MFSD11: variants seen among roughly 807,000 people sequenced by gnomAD.
MFSD11 encodes major facilitator superfamily domain containing 11.
MFSD11 carries 36 observed loss-of-function variants against 53.5 expected under a neutral mutation model. The ratio of observed to expected loss-of-function variants is 0.67; its 90% confidence interval spans 0.52 to 0.89. MFSD11 has a LOEUF of 0.89. Ranked by LOEUF, MFSD11 falls within the 40% of genes least tolerant of loss-of-function variation. The pLI is 0.00. For synonymous variants in MFSD11, 186 were observed against 184.9 expected (o/e 1.01, Z -0.05); for missense variants, 530 against 543.9 (o/e 0.97, Z 0.25).
chr17:76,802,813 T>C, the MFSD11 span, among the ~76,000 whole-genome samples: 2 of 152,098 alleles, frequency 1.3e-5, no homozygotes, highest in Non-Finnish European at 2.9e-5. Context: ...TCCACTCCTC[T>C]CACCTTGGGG....
upstream of MFSD11, chr17:76,736,709 A>G: frequency 7.5e-7 from 1 of 1,338,172 alleles, no homozygotes; most frequent in Non-Finnish European, 9.6e-7. Flanking sequence ...CCGGGCCCGC[A>G]CCACGTGCTT....
At chr17:76,749,572 C>A (rs1231360590) in intron 7 of MFSD11, among the ~76,000 whole-genome samples, 1 of 149,386 alleles carries the variant, frequency 6.7e-6, no homozygotes. Context: ...ATGCTGTAGC[C>A]TATCTCCATA....
At chr17:76,755,738 A>G (rs1342069691) in intron 8 of MFSD11, among the ~76,000 whole-genome samples, 9 of 128,484 alleles carry the variant, frequency 7.0e-5, no homozygotes, top group Non-Finnish European at 1.0e-4. Context: ...ATGTATATAT[A>G]TGTATATATA....
intron 9 of MFSD11, 79 bp from the exon 10 acceptor site, chr17:76,769,667 T>C (rs2081208713): frequency 8.8e-7 from 1 of 1,134,974 alleles, no homozygotes; most frequent in Non-Finnish European, 1.3e-6. Context: ...AAGTATTCTT[T>C]CGTCAGATAC....
downstream of MFSD11, among the ~76,000 whole-genome samples, chr17:76,782,474 CTTTTTTTTTTTT>C (rs33999736): frequency 2.6e-5 from 2 of 76,204 alleles, no homozygotes; most frequent in East Asian, 4.8e-4. Flanking sequence ...CGCGCCCAGG[CTTTTTTTTTTTT>C]TTTTTTTTTT....
the MFSD11 span, among the ~76,000 whole-genome samples, chr17:76,787,746 C>T: frequency 2.7e-5 from 4 of 149,222 alleles, no homozygotes; most frequent in African/African-American, 5.0e-5. Context: ...CAAGAGGATG[C>T]TAGAGAAACC....
intron 8 of MFSD11, 151 bp from the exon 9 acceptor site, chr17:76,767,235 A>G (rs916789475): frequency 3.5e-6 from 2 of 564,426 alleles, no homozygotes; most frequent in Non-Finnish European, 3.1e-6. Context: ...AATGTAGTTC[A>G]TGCCTTAAGC....
the MFSD11 span, among the ~76,000 whole-genome samples, chr17:76,787,642 T>G: frequency 6.7e-6 from 1 of 149,972 alleles, no homozygotes; most frequent in Non-Finnish European, 1.5e-5. Flanking sequence ...TACTATGAGC[T>G]TTTGTTATAT....
In MFSD11 at chr17:76,769,841, G is replaced by T. The variant is rs750084219; in HGVS notation, c.844G>T (p.Gly282Cys). 5.0e-6 allele frequency: 8 copies of T among 1,610,460 alleles called. No individual in the cohort carries two copies. The Admixed American group carries it at 1.0e-4, about 20-fold the overall frequency. Residue 282 changes from glycine to cysteine, a missense_variant, in exon 10 of 13, where the codon GGC becomes TGC. Coordinates refer to ENST00000685175, the MANE Select transcript of MFSD11 (RefSeq NM_001242532.5). ...AEEKSLIGLS[G>C]IFIGIGEILG... is the part of the protein sequence containing the mutation. Reference sequence around the variant, plus strand: ...AGAGAAAAGCCTTATTGGACTTTCTGGCATTTTCATCGGCATTGGAGAAAT... The same window carrying T: ...AGAGAAAAGCCTTATTGGACTTTCTTGCATTTTCATCGGCATTGGAGAAAT...
chr17:76,754,018 A>C, intron 7 of MFSD11, 29 bp from the exon 8 acceptor site: 1 of 1,584,406 alleles, frequency 6.3e-7, no homozygotes, highest in South Asian at 1.1e-5. Flanking sequence ...AAAAAGAAAA[A>C]ACTTATTTTT....
chr17:76,750,861 T>C (rs1274750290), intron 7 of MFSD11, among the ~76,000 whole-genome samples: 1 of 151,252 alleles, frequency 6.6e-6, no homozygotes, highest in East Asian at 2.0e-4. Flanking sequence ...TGGAGTGCAG[T>C]GACACGGTCT....
At chr17:76,770,674 C>A (rs1251897256) in intron 10 of MFSD11, among the ~76,000 whole-genome samples, 1 of 152,312 alleles carries the variant, frequency 6.6e-6, no homozygotes, top group East Asian at 1.9e-4. Context: ...CCCTCTTCCC[C>A]CTTCATGTTT....
chr17:76,794,896 A>G, the MFSD11 span, among the ~76,000 whole-genome samples: 1 of 150,996 alleles, frequency 6.6e-6, no homozygotes, highest in Admixed American at 6.6e-5. Context: ...GGGTTTCACC[A>G]TCCTGGCCAG....
the MFSD11 span, among the ~76,000 whole-genome samples, chr17:76,792,915 C>T: frequency 7.3e-5 from 11 of 151,284 alleles, no homozygotes; most frequent in East Asian, 1.9e-4. Flanking sequence ...CATCACATGT[C>T]GGTAGGTTCC....
At chr17:76,799,954 C>CTTTTTTTTTTTTTT in the MFSD11 span, among the ~76,000 whole-genome samples, 1 of 87,302 alleles carries the variant, frequency 1.1e-5, no homozygotes, top group African/African-American at 4.1e-5. Context: ...TTTTCTTTTT[C>CTTTTTTTTTTTTTT]CTTTTTTTTT....
At chr17:76,769,112 G>C (rs1388512162) in intron 9 of MFSD11, 1 of 152,234 alleles carries the variant, frequency 6.6e-6, no homozygotes, top group Non-Finnish European at 1.5e-5. Flanking sequence ...CGCCTGCATG[G>C]AGAGTGATAG....
At chr17:76,765,823 A>G (rs1159950878) in intron 8 of MFSD11, among the ~76,000 whole-genome samples, 1 of 151,588 alleles carries the variant, frequency 6.6e-6, no homozygotes, top group African/African-American at 2.4e-5. Context: ...TATTTTTTAG[A>G]TCATTTTATG....
At chr17:76,747,544 A>G (rs2078663141) in intron 7 of MFSD11, among the ~76,000 whole-genome samples, 1 of 151,462 alleles carries the variant, frequency 6.6e-6, no homozygotes, top group Non-Finnish European at 1.5e-5. Context: ...TATGTTGGGC[A>G]GGCTGGTCTC....
At position 76,738,299 on chromosome 17, in the gene MFSD11, C is replaced by A; in HGVS notation, c.-54C>A. On this transcript the variant is annotated 5_prime_UTR_variant, in exon 1 of 13. Transcript: ENST00000685175. ...TTCTCCAGGATTGTCAGTGGCTTCG[C>A]CCCGAGGAGAGCTGACTGCCCTGGG... 8.3e-7 allele frequency: 1 copy of A among 1,203,704 alleles called. No individual in the cohort carries two copies. The highest frequency in any genetic ancestry group is 1.2e-6 in the Non-Finnish European group (1 of 813,662). 74.6% of individuals were successfully genotyped at this position (1,203,704 alleles called of 1,614,324 possible).
Sources: allele counts gnomAD v4.1 joint callset (sites outside exome capture counted in the v4.1 genomes callset), GRCh38; gene constraint gnomAD v4.1.1; transcripts MANE v1.5; gene names NCBI Gene and HGNC (gene_info 2026-07-23, HGNC 2026-07-21).